Variants in UBTD1 observed in about 807,000 individuals in gnomAD.
UBTD1 encodes ubiquitin domain-containing protein 1.
A neutral mutation model predicts 21.7 loss-of-function variants in UBTD1; 19 were observed. The ratio of observed to expected loss-of-function variants is 0.87; its 90% confidence interval spans 0.61 to 1.28. UBTD1 has a LOEUF of 1.28. Ranked by LOEUF, UBTD1 falls within the 50% of genes most tolerant of loss-of-function variation. The pLI is 0.00. For missense variants in UBTD1, 282 were observed against 315.1 expected (o/e 0.89, Z 0.80); for synonymous variants, 116 against 135.1 (o/e 0.86, Z 0.98).
chr10:97,527,465 A>T (rs1416800701), intron 1 of UBTD1, among the ~76,000 whole-genome samples: 2 of 151,130 alleles, frequency 1.3e-5, no homozygotes, highest in South Asian at 2.1e-4. Context: ...TTATTTATTT[A>T]TTTATTTTTA....
intron 1 of UBTD1, among the ~76,000 whole-genome samples, chr10:97,513,811 C>T (rs2040432114): frequency 6.6e-6 from 1 of 151,994 alleles, no homozygotes; most frequent in Admixed American, 6.6e-5. Flanking sequence ...CTCCTGCGTT[C>T]AAGTGATCCT....
chr10:97,563,456 A>C (rs955582878), intron 1 of UBTD1, among the ~76,000 whole-genome samples: 2 of 152,206 alleles, frequency 1.3e-5, no homozygotes, highest in Non-Finnish European at 2.9e-5. Flanking sequence ...AGAAATGGCT[A>C]GGAGAGAGTG....
At chr10:97,550,027 A>T (rs578074216) in intron 1 of UBTD1, among the ~76,000 whole-genome samples, 1 of 152,108 alleles carries the variant, frequency 6.6e-6, no homozygotes, top group South Asian at 2.1e-4. Context: ...TTCAGCTGTG[A>T]CTGCTGGGGT....
At position 97,545,387 on chromosome 10, in the gene UBTD1, C is replaced by CATGTGGGT. The variant is rs1554866776; in HGVS notation, c.71-22527_71-22526insATGTGGGT. Among the ~76,000 whole-genome samples the CATGTGGGT allele has an allele frequency of 2.2e-4, 27 of 120,742 alleles. No homozygotes were observed. In the South Asian group the frequency reaches 7.0e-3, roughly 31 times the overall value. 79.2% of individuals were successfully genotyped at this position (120,742 alleles called of 152,430 possible). ...TCTATTCTCTGGTAAGTATGGGGCT[C>CATGTGGGT]GTGTGTGTGTGTGTGTGTGTGTGGG... On this transcript the variant is annotated intron_variant, in intron 1 of 2. Coordinates refer to ENST00000370664, the MANE Select transcript of UBTD1 (RefSeq NM_024954.5).
At chr10:97,515,242 A>C (rs1336299378) in intron 1 of UBTD1, among the ~76,000 whole-genome samples, 1 of 152,206 alleles carries the variant, frequency 6.6e-6, no homozygotes, top group Non-Finnish European at 1.5e-5. Flanking sequence ...TGAGGATTTA[A>C]TGCATTTCAG....
chr10:97,514,048 C>T (rs1340564241), intron 1 of UBTD1, among the ~76,000 whole-genome samples: 3 of 148,978 alleles, frequency 2.0e-5, no homozygotes, highest in African/African-American at 7.5e-5. Context: ...GAGATCAAAT[C>T]TGTTGTGTCC....
chr10:97,543,992 T>C (rs948422906), intron 1 of UBTD1, among the ~76,000 whole-genome samples: 8 of 151,922 alleles, frequency 5.3e-5, no homozygotes, highest in Admixed American at 3.9e-4. Context: ...GTAAAGAATC[T>C]GGAGAAAGGC....
chr10:97,559,847 G>A (rs766505090), intron 1 of UBTD1, among the ~76,000 whole-genome samples: 8 of 151,904 alleles, frequency 5.3e-5, no homozygotes, highest in South Asian at 4.2e-4. Context: ...TATAATTAAC[G>A]TTTTAAAACT....
intron 1 of UBTD1, among the ~76,000 whole-genome samples, chr10:97,505,318 A>G (rs888974227): frequency 6.6e-6 from 1 of 152,190 alleles, no homozygotes; most frequent in Non-Finnish European, 1.5e-5. Flanking sequence ...ACCTACATAA[A>G]AACTGCATGT....
intron 1 of UBTD1, among the ~76,000 whole-genome samples, chr10:97,543,800 T>A (rs1461587572): frequency 1.3e-5 from 2 of 152,216 alleles, no homozygotes; most frequent in African/African-American, 2.4e-5. Context: ...ATTATGTAAT[T>A]ATGAAAATTA....
chr10:97,519,518 C>A (rs1306406930), intron 1 of UBTD1, among the ~76,000 whole-genome samples: 1 of 152,140 alleles, frequency 6.6e-6, no homozygotes, highest in African/African-American at 2.4e-5. Context: ...TTGTGGTAAA[C>A]CTTTTGTGTG....
intron 1 of UBTD1, among the ~76,000 whole-genome samples, chr10:97,530,619 G>A (rs1314771257): frequency 1.3e-5 from 2 of 152,126 alleles, no homozygotes; most frequent in African/African-American, 4.8e-5. Context: ...GGGGGCACAG[G>A]TAAATCCGGC....
rs1163744570 is a variant in UBTD1 at position 97,562,005 on chromosome 10, A to G, written c.71-5909A>G. ...CCCTCTTCTCAGCCAAGGGGATTCC[A>G]AAGAAATCTGAAAAACGAGTTCAGG... On this transcript the variant is annotated intron_variant, in intron 1 of 2. Coordinates refer to ENST00000370664, the MANE Select transcript of UBTD1 (RefSeq NM_024954.5). 2.6e-5 allele frequency among the ~76,000 whole-genome samples: 4 copies of G among 152,304 alleles called. No homozygotes were observed. In the South Asian group the frequency reaches 6.2e-4, roughly 24 times the overall value.
At chr10:97,534,291 G>C (rs2040548943) in intron 1 of UBTD1, among the ~76,000 whole-genome samples, 1 of 152,204 alleles carries the variant, frequency 6.6e-6, no homozygotes. Context: ...CGGATCATTG[G>C]CCTGAGCCCT....
Position 97,529,397 on chromosome 10 carries a change from G to T in UBTD1, c.70+30124G>T, listed in dbSNP as rs1054027187. On this transcript the variant is annotated intron_variant, in intron 1 of 2. Coordinates refer to ENST00000370664, the MANE Select transcript of UBTD1 (RefSeq NM_024954.5). ...CAGAGGCTGCAATCTCGGCACTTTG[G>T]GGGGCCAAGGCAGGCGGCTGGGAGG... Among the ~76,000 whole-genome samples the T allele has an allele frequency of 4.5e-4, 68 of 152,350 alleles. 1 individual carries two copies. In the Middle Eastern group the frequency reaches 0.024, roughly 53 times the overall value.
intron 1 of UBTD1, among the ~76,000 whole-genome samples, chr10:97,510,739 C>T (rs560787173): frequency 1.8e-4 from 28 of 152,258 alleles, no homozygotes; most frequent in Non-Finnish European, 3.5e-4. Context: ...CTGTTCGACC[C>T]ATTTATTCAG....
intron 1 of UBTD1, among the ~76,000 whole-genome samples, chr10:97,530,714 A>G (rs755310674): frequency 3.3e-5 from 5 of 152,110 alleles, no homozygotes; most frequent in Non-Finnish European, 7.4e-5. Flanking sequence ...TAATGGTAGA[A>G]GCTTGTACAT....
intron 1 of UBTD1, among the ~76,000 whole-genome samples, chr10:97,548,183 C>CAG (rs1027788284): frequency 2.0e-5 from 3 of 152,210 alleles, no homozygotes; most frequent in African/African-American, 7.2e-5. Flanking sequence ...AGCCAGATTG[C>CAG]AGAGAGAGGC....
At chr10:97,512,570 C>T (rs2040427369) in intron 1 of UBTD1, among the ~76,000 whole-genome samples, 1 of 152,216 alleles carries the variant, frequency 6.6e-6, no homozygotes, top group South Asian at 2.1e-4. Context: ...TGATGTCTTC[C>T]TAAGGACAGA....
Sources: gnomAD v4.1 joint callset for allele counts (sites outside exome capture counted in the v4.1 genomes callset) on GRCh38, gnomAD v4.1.1 for gene constraint, MANE v1.5 for transcripts, NCBI Gene and HGNC (gene_info 2026-07-23, HGNC 2026-07-21) for gene names.